The following UNC13C variants were observed in gnomAD, a reference collection of about 807,000 sequenced individuals.
UNC13C encodes unc-13 homolog C.
In UNC13C, 174 loss-of-function variants were observed where a neutral mutation model predicts 245.4. The ratio of observed to expected loss-of-function variants is 0.71; its 90% CI spans 0.63 to 0.80. UNC13C has a LOEUF of 0.80. Among genes scored for constraint, UNC13C ranks in the 30% least tolerant of loss-of-function variants. The pLI is 0.00. For missense variants in UNC13C, 2,829 were observed against 2,602.9 expected (o/e 1.09, Z -1.89); for synonymous variants, 992 against 895.1 (o/e 1.11, Z -1.93).
At chr15:54,412,160 C>A (rs544251908) in intron 18 of UNC13C, among the ~76,000 whole-genome samples, 1 of 151,592 alleles carries the variant, frequency 6.6e-6, no homozygotes, top group Admixed American at 6.6e-5. Context: ...GAGCCAAGAT[C>A]GCACAACCGC....
At chr15:53,839,253 A>G in the UNC13C span, among the ~76,000 whole-genome samples, 1 of 152,062 alleles carries the variant, frequency 6.6e-6, no homozygotes, top group Non-Finnish European at 1.5e-5. Flanking sequence ...AGGTTTCTAA[A>G]AACTGCTAAC....
In UNC13C at chr15:54,623,786, T is replaced by G. The variant is rs776921637; in HGVS notation, c.6200-9T>G. The G allele has an allele frequency of 1.9e-6, 3 of 1,606,290 alleles. No homozygotes were observed. The highest frequency in any genetic ancestry group is 2.7e-5 in the African/African-American group (2 of 74,382). On this transcript the variant is annotated splice_polypyrimidine_tract_variant and intron_variant, in intron 31 of 32. Coordinates refer to ENST00000260323, the MANE Select transcript of UNC13C (RefSeq NM_001080534.3). The stretch of plus-strand genomic sequence containing the variant: ...TGTTTGCTAAAATGTGATATTTCCT[T>G]TTTTTTAGTGATTGCTATTAATGAC...
rs28502658 is a variant in UNC13C, at chr15:54,501,758, A to G, written c.5301+780A>G. The stretch of plus-strand genomic sequence containing the variant: ...AGCCGAAATAGACAGAGGCTTCATG[A>G]CAAGGGCAGGGCTCATAGAAGACTA... On this transcript the variant is annotated intron_variant, in intron 22 of 32. Transcript: ENST00000260323. Among the ~76,000 whole-genome samples the G allele has an allele frequency of 8.4e-3, 1,274 of 152,246 alleles. 25 individuals carry two copies. The highest frequency in any genetic ancestry group is 0.029 in the African/African-American group (1,194 of 41,556).
chr15:54,172,711 T>G (rs2033454319), intron 4 of UNC13C, among the ~76,000 whole-genome samples: 28 of 12,446 alleles, frequency 2.2e-3, no homozygotes, highest in Non-Finnish European at 2.0e-3. Context: ...CAGATATATA[T>G]ATATATATAT....
At chr15:53,842,050 A>T in the UNC13C span, among the ~76,000 whole-genome samples, 1 of 152,170 alleles carries the variant, frequency 6.6e-6, no homozygotes, top group Non-Finnish European at 1.5e-5. Flanking sequence ...CATGAGTAAG[A>T]ACATTGAACT....
At chr15:54,462,967 A>G (rs1488465026) in intron 19 of UNC13C, among the ~76,000 whole-genome samples, 5 of 152,022 alleles carry the variant, frequency 3.3e-5, no homozygotes. Context: ...AGAATTGTAA[A>G]TGCACCAATC....
Position 54,172,731 on chromosome 15 carries a change from TA to T in UNC13C, c.3071+29048del, listed in dbSNP as rs2033458536. ...ATATATATATATATATATATATATA[TA>T]TATATATATATATATATATATATAT... On this transcript the variant is annotated intron_variant, in intron 4 of 32. Coordinates refer to ENST00000260323, the MANE Select transcript of UNC13C (RefSeq NM_001080534.3). 1.6e-4 allele frequency among the ~76,000 whole-genome samples: 11 copies of T among 67,826 alleles called. 1 individual carries two copies. The South Asian group carries it at 2.8e-3, about 17-fold the overall frequency. 44.5% of individuals were successfully genotyped at this position (67,826 alleles called of 152,430 possible). A position where few individuals can be genotyped will look rare whatever the true frequency, so the allele number is the denominator to read the frequency against.
intron 26 of UNC13C, among the ~76,000 whole-genome samples, chr15:54,536,240 A>G (rs971156730): frequency 3.9e-5 from 6 of 152,100 alleles, no homozygotes; most frequent in Non-Finnish European, 7.4e-5. Context: ...AAAGAAATGA[A>G]TAAATTCCCA....
intron 2 of UNC13C, chr15:54,048,502 T>C: frequency 1.7e-6 from 1 of 599,126 alleles, no homozygotes; most frequent in South Asian, 1.5e-5. Context: ...CCTGTATGTT[T>C]CCACTAAACC....
At chr15:54,107,003 A>G (rs543081784) in intron 2 of UNC13C, among the ~76,000 whole-genome samples, 1 of 152,372 alleles carries the variant, frequency 6.6e-6, no homozygotes, top group Non-Finnish European at 1.5e-5. Flanking sequence ...GAAAACATAC[A>G]TTATCCAAAT....
intron 1 of UNC13C, among the ~76,000 whole-genome samples, chr15:53,985,820 G>T (rs2725590): frequency 0.26 from 39,919 of 151,948 alleles, 6,167 homozygotes; most frequent in South Asian, 0.44. Context: ...CTTTCGTCTG[G>T]TTTTTGTAGT....
the UNC13C span, among the ~76,000 whole-genome samples, chr15:53,962,304 TAGA>T: frequency 3.3e-5 from 5 of 152,244 alleles, no homozygotes; most frequent in East Asian, 7.7e-4. Context: ...ATATGTGAAA[TAGA>T]AGAGTCAGCA....
At chr15:54,399,300 A>G (rs2040133407) in intron 18 of UNC13C, among the ~76,000 whole-genome samples, 1 of 151,770 alleles carries the variant, frequency 6.6e-6, no homozygotes, top group Non-Finnish European at 1.5e-5. Context: ...ACAATTGTAT[A>G]CATAGATAAG....
At chr15:54,460,277 C>G (rs1209845919) in intron 19 of UNC13C, among the ~76,000 whole-genome samples, 3 of 152,314 alleles carry the variant, frequency 2.0e-5, no homozygotes, top group East Asian at 3.9e-4. Flanking sequence ...GATACCAGCA[C>G]CTGCTCCAGT....
intron 1 of UNC13C, among the ~76,000 whole-genome samples, chr15:54,004,957 T>G (rs764314563): frequency 3.3e-5 from 5 of 152,120 alleles, no homozygotes; most frequent in Non-Finnish European, 7.4e-5. Flanking sequence ...ATTCTCTGGG[T>G]TGTCTCTTCA....
At chr15:53,983,665 T>C (rs1158861411) in intron 1 of UNC13C, among the ~76,000 whole-genome samples, 1 of 151,888 alleles carries the variant, frequency 6.6e-6, no homozygotes, top group Non-Finnish European at 1.5e-5. Context: ...CGTAATTGCT[T>C]TCATTCTCCA....
chr15:54,394,489 T>C (rs1224112417), intron 18 of UNC13C, among the ~76,000 whole-genome samples: 1 of 151,854 alleles, frequency 6.6e-6, no homozygotes, highest in Non-Finnish European at 1.5e-5. Flanking sequence ...TCCTGGGAAG[T>C]ACATCTCAGG....
At chr15:54,286,981 A>C (rs964988018) in intron 10 of UNC13C, among the ~76,000 whole-genome samples, 17 of 152,218 alleles carry the variant, frequency 1.1e-4, no homozygotes, top group Admixed American at 9.2e-4. Flanking sequence ...TTTTAATTAA[A>C]GGAAAACTGC....
intron 23 of UNC13C, among the ~76,000 whole-genome samples, chr15:54,510,291 A>AATT (rs1894676360): frequency 6.6e-6 from 1 of 152,144 alleles, no homozygotes; most frequent in Admixed American, 6.6e-5. Flanking sequence ...CCCTTTCTGC[A>AATT]ATTAAAAGTA....
Sources: gnomAD v4.1 joint callset for allele counts (sites outside exome capture counted in the v4.1 genomes callset) on GRCh38, gnomAD v4.1.1 for gene constraint, MANE v1.5 for transcripts, NCBI Gene and HGNC (gene_info 2026-07-23, HGNC 2026-07-21) for gene names.